Variants in GRIP1 observed in about 807,000 individuals in gnomAD.
The protein encoded by GRIP1 is glutamate receptor interacting protein 1.
Under a neutral mutation model 129.9 loss-of-function variants are expected in GRIP1, and 45 were observed. The ratio of observed to expected loss-of-function variants is 0.35; its 90% CI spans 0.27 to 0.44. The LOEUF (loss-of-function observed/expected upper bound fraction) is 0.44. Ranked by LOEUF, GRIP1 falls within the 20% of genes least tolerant of loss-of-function variation. GRIP1 has a pLI of 1.00. For missense variants in GRIP1, 1,196 were observed against 1,396.8 expected (o/e 0.86, Z 2.29); for synonymous variants, 530 against 520.8 (o/e 1.02, Z -0.24).
At chr12:66,864,914 C>T (rs1390845352) in intron 1 of GRIP1, among the ~76,000 whole-genome samples, 1 of 152,104 alleles carries the variant, frequency 6.6e-6, no homozygotes, top group Non-Finnish European at 1.5e-5. Flanking sequence ...ACAGATCTCT[C>T]TTCTAATGAA....
At chr12:66,970,569 G>A (rs1394037570) in intron 1 of GRIP1, among the ~76,000 whole-genome samples, 1 of 118,238 alleles carries the variant, frequency 8.5e-6, no homozygotes, top group African/African-American at 3.2e-5. Flanking sequence ...CATCTCTCCT[G>A]TTGTCTTTGG....
Position 66,722,828 on chromosome 12 carries a change from A to T in GRIP1, c.-420+81225T>A, listed in dbSNP as rs1425328354. Among the ~76,000 whole-genome samples the T allele has an allele frequency of 2.6e-5, 4 of 152,326 alleles. No homozygotes were observed. In the East Asian group the frequency reaches 7.7e-4, roughly 29 times the overall value. On this transcript the variant is annotated intron_variant, in intron 1 of 4. Coordinates refer to the GRIP1 transcript ENST00000538373. ...AGATGAGAAGGTAAATGATATGAAG[A>T]TAATACACTAAAATGGTAAAACTAG...
intron 1 of GRIP1, among the ~76,000 whole-genome samples, chr12:66,815,698 A>T (rs907870454): frequency 6.6e-6 from 1 of 152,090 alleles, no homozygotes; most frequent in Non-Finnish European, 1.5e-5. Context: ...CGGGAAGTAG[A>T]GGCTGCAATA....
chr12:66,706,771 A>G (rs1410625311), intron 1 of GRIP1, among the ~76,000 whole-genome samples: 1 of 152,104 alleles, frequency 6.6e-6, no homozygotes, highest in Non-Finnish European at 1.5e-5. Flanking sequence ...CAATAACAGA[A>G]AACCAAACAC....
intron 1 of GRIP1, among the ~76,000 whole-genome samples, chr12:66,634,535 G>C (rs1336785434): frequency 6.6e-6 from 1 of 152,094 alleles, no homozygotes; most frequent in East Asian, 1.9e-4. Context: ...CTCTTCCTGA[G>C]ACACAGAGTT....
upstream of GRIP1, among the ~76,000 whole-genome samples, chr12:66,804,637 G>C (rs2038951055): frequency 2.0e-5 from 3 of 152,148 alleles, no homozygotes; most frequent in South Asian, 4.1e-4. Context: ...TATAGGAGAA[G>C]GGAGGGCCGG....
chr12:66,728,602 C>A (rs1258170139), intron 1 of GRIP1, among the ~76,000 whole-genome samples: 1 of 152,210 alleles, frequency 6.6e-6, no homozygotes, highest in African/African-American at 2.4e-5. Context: ...TACTTTTAAA[C>A]CATTATACTC....
chr12:66,421,954 C>G (rs894752888), intron 14 of GRIP1, among the ~76,000 whole-genome samples: 1 of 152,076 alleles, frequency 6.6e-6, no homozygotes, highest in African/African-American at 2.4e-5. Context: ...GGAATTGGAT[C>G]CTTAAAATTA....
At chr12:66,973,919 CTTTTTTT>C (rs535699240) in intron 1 of GRIP1, among the ~76,000 whole-genome samples, 2 of 121,334 alleles carry the variant, frequency 1.6e-5, no homozygotes, top group Admixed American at 9.0e-5. Context: ...CTTTTCTTTT[CTTTTTTT>C]TTTTTTTTTT....
intron 1 of GRIP1, among the ~76,000 whole-genome samples, chr12:66,909,852 T>C (rs1292809057): frequency 1.3e-5 from 2 of 152,164 alleles, no homozygotes; most frequent in Non-Finnish European, 2.9e-5. Flanking sequence ...ATAAAATAGT[T>C]CCAAGTTACT....
intron 1 of GRIP1, among the ~76,000 whole-genome samples, chr12:66,823,473 A>G (rs1025244066): frequency 2.0e-5 from 3 of 152,140 alleles, no homozygotes; most frequent in African/African-American, 4.8e-5. Flanking sequence ...AAAATGATCA[A>G]TGATCATTTA....
At chr12:66,898,812 GA>G (rs2040796072) in intron 1 of GRIP1, among the ~76,000 whole-genome samples, 1 of 152,156 alleles carries the variant, frequency 6.6e-6, no homozygotes, top group Non-Finnish European at 1.5e-5. Flanking sequence ...TAACTACCTT[GA>G]AATTACTCTC....
intron 1 of GRIP1, among the ~76,000 whole-genome samples, chr12:66,626,381 A>G (rs1308402742): frequency 6.7e-6 from 1 of 149,208 alleles, no homozygotes; most frequent in Non-Finnish European, 1.5e-5. Flanking sequence ...CCAAATGCTA[A>G]AAGAGTCAAA....
chr12:66,445,343 T>A lies in GRIP1; in HGVS notation c.1520A>T (p.Glu507Val), dbSNP rs1085307650. Reference sequence around the variant, plus strand: ...TCACCTCTCTGCTGGGCTGTCAGCTTCGATATAGGAAATCAGAGGTGGAGA... The same window carrying A: ...TCACCTCTCTGCTGGGCTGTCAGCTACGATATAGGAAATCAGAGGTGGAGA... The part of the protein sequence containing the change: ...LSSPPLISYI[E>V]ADSPAERCGV... The change falls in exon 12 of 25, where the codon GAA becomes GTA. Residue 507 changes from glutamate to valine, a missense_variant. By Grantham distance (121) the Glu-to-Val change is moderately radical. Transcript: ENST00000359742. 2 of 1,614,202 alleles carry A rather than the reference T, an allele frequency of 1.2e-6. No individual in the cohort carries two copies. The highest frequency in any genetic ancestry group is 2.7e-5 in the African/African-American group (2 of 75,072).
intron 1 of GRIP1, among the ~76,000 whole-genome samples, chr12:66,769,082 AC>A (rs1677117868): frequency 6.6e-6 from 1 of 151,846 alleles, no homozygotes; most frequent in African/African-American, 2.4e-5. Flanking sequence ...GTTGGGCCCC[AC>A]CCCCAGAGTT....
intron 1 of GRIP1, among the ~76,000 whole-genome samples, chr12:66,769,351 G>A: frequency 6.6e-6 from 1 of 151,912 alleles, no homozygotes; most frequent in Non-Finnish European, 1.5e-5. Context: ...AACTTCAGGT[G>A]CCACCCTCCC....
At chr12:66,895,241 G>A (rs376110624) in intron 1 of GRIP1, among the ~76,000 whole-genome samples, 3 of 152,238 alleles carry the variant, frequency 2.0e-5, no homozygotes, top group East Asian at 1.9e-4. Context: ...CTGGTGGGAG[G>A]TAATTGAATC....
intron 2 of GRIP1, among the ~76,000 whole-genome samples, chr12:66,591,319 G>A (rs1592612233): frequency 6.6e-6 from 1 of 152,062 alleles, no homozygotes; most frequent in African/African-American, 2.4e-5. Flanking sequence ...TTTAACACTC[G>A]TAAACATAAT....
chr12:66,372,563 A>G (rs921985085), intron 22 of GRIP1, among the ~76,000 whole-genome samples: 1 of 152,226 alleles, frequency 6.6e-6, no homozygotes, highest in African/African-American at 2.4e-5. Context: ...CTCTTTGTAT[A>G]AGATCCTCAG....
Sources: allele counts gnomAD v4.1 joint callset (sites outside exome capture counted in the v4.1 genomes callset), GRCh38; gene constraint gnomAD v4.1.1; transcripts MANE v1.5; gene names NCBI Gene and HGNC (gene_info 2026-07-23, HGNC 2026-07-21).